Variants in CAPRIN2 observed in about 807,000 individuals in gnomAD.
CAPRIN2 encodes caprin family member 2.
Under a neutral mutation model 130.4 loss-of-function variants are expected in CAPRIN2, and 66 were observed. That is an observed-to-expected ratio of 0.51 (90% CI 0.42 to 0.62). The LOEUF is 0.62. Ranked by LOEUF, CAPRIN2 falls within the 20% of genes least tolerant of loss-of-function variation. CAPRIN2 has a pLI of 0.00. For missense variants in CAPRIN2, 1,185 were observed against 1,246.6 expected (o/e 0.95, Z 0.74); for synonymous variants, 471 against 444.1 (o/e 1.06, Z -0.76).
intron 2 of CAPRIN2, among the ~76,000 whole-genome samples, chr12:30,743,807 T>C (rs1020301483): frequency 3.3e-5 from 5 of 152,216 alleles, no homozygotes; most frequent in African/African-American, 7.2e-5. Flanking sequence ...GATTCTGTCC[T>C]AGGCTTCTCT....
chr12:30,732,339 C>T (rs532922240), intron 5 of CAPRIN2, among the ~76,000 whole-genome samples: 62 of 152,014 alleles, frequency 4.1e-4, no homozygotes, highest in African/African-American at 1.4e-3. Flanking sequence ...AGTACTATGA[C>T]ATAGATTTTG....
intron 15 of CAPRIN2, among the ~76,000 whole-genome samples, chr12:30,712,899 T>C (rs1565538503): frequency 6.6e-6 from 1 of 152,008 alleles, no homozygotes; most frequent in Non-Finnish European, 1.5e-5. Flanking sequence ...TGCCACCACG[T>C]CCGGCTAATT....
intron 14 of CAPRIN2, 68 bp downstream of exon 16, chr12:30,714,891 A>C: frequency 7.6e-7 from 1 of 1,310,436 alleles, no homozygotes; most frequent in Non-Finnish European, 1.1e-6. Context: ...GTTAGGTAAA[A>C]ATGGTGTGAG....
intron 3 of CAPRIN2, among the ~76,000 whole-genome samples, chr12:30,736,397 C>T (rs78003707): frequency 7.5e-6 from 1 of 133,316 alleles, no homozygotes; most frequent in Non-Finnish European, 1.7e-5. Context: ...GATTAAAATA[C>T]AAAAAAAAAA....
intron 6 of CAPRIN2, among the ~76,000 whole-genome samples, chr12:30,731,011 TCTAA>T: frequency 1.3e-5 from 2 of 152,324 alleles, no homozygotes; most frequent in Admixed American, 1.3e-4. Context: ...TGGTTTCTAC[TCTAA>T]CTTCCACTGT....
Position 30,713,245 on chromosome 12 carries a change from G to A in CAPRIN2, c.2601+540C>T, listed in dbSNP as rs569530557. Among the ~76,000 whole-genome samples the A allele has an allele frequency of 5.9e-5, 9 of 152,224 alleles. No individual in the cohort carries two copies. The South Asian group carries it at 1.9e-3, about 32-fold the overall frequency. On this transcript the variant is annotated intron_variant, in intron 15 of 16. Transcript: ENST00000298892. ...GTAAGTTCCCAAGTTTTGTTAAAGT[G>A]GAATTTCTAACATCCTCTTATGAGT...
intron 2 of CAPRIN2, among the ~76,000 whole-genome samples, chr12:30,744,989 T>C (rs914213678): frequency 3.3e-5 from 5 of 152,200 alleles, no homozygotes; most frequent in African/African-American, 7.2e-5. Flanking sequence ...GACTGGTGAA[T>C]TGAAGGTAAG....
intron 12 of CAPRIN2, chr12:30,720,541 A>C (rs1339820759): frequency 4.0e-6 from 1 of 250,420 alleles, no homozygotes; most frequent in African/African-American, 2.2e-5. Context: ...GGAAAACTTG[A>C]CTTAATGCTA....
exon 13 of CAPRIN2, chr12:30,716,524 G>C (rs1352664342): frequency 1.2e-6 from 2 of 1,613,796 alleles, no homozygotes; most frequent in African/African-American, 2.7e-5. Flanking sequence ...CTTGAGAATG[G>C]ACAGTTTGTT....
chr12:30,717,074 T>A (rs2057835227), intron 12 of CAPRIN2, among the ~76,000 whole-genome samples: 1 of 152,148 alleles, frequency 6.6e-6, no homozygotes, highest in Admixed American at 6.6e-5. Flanking sequence ...ATCCACTAAT[T>A]CCATTTCTAG....
chr12:30,722,747 A>G (rs117661392), intron 11 of CAPRIN2, among the ~76,000 whole-genome samples: 2,331 of 152,194 alleles, frequency 0.015, 27 homozygotes, highest in Middle Eastern at 0.044. Context: ...AAAAATACAC[A>G]AAAATTAGGC....
At position 30,735,195 on chromosome 12, in the gene CAPRIN2, C is replaced by A. The variant is rs145888176; in HGVS notation, c.582G>T (p.Ala194=). 3.1e-6 allele frequency: 5 copies of A among 1,613,678 alleles called. No homozygotes were observed. The African/African-American group carries it at 4.0e-5, about 13-fold the overall frequency. ...GCTCCCTTCTCTGGGCCTTCTTTTGCGCTTTTAGTAGCTGTTAAAACAAAT... is the reference window on the plus strand; with the variant it reads ...GCTCCCTTCTCTGGGCCTTCTTTTGAGCTTTTAGTAGCTGTTAAAACAAAT... The change falls in exon 4 of 17, where the codon GCG becomes GCT. Residue 194 remains alanine (A), a synonymous_variant. Coordinates refer to ENST00000298892, the Ensembl canonical transcript of CAPRIN2.
intron 1 of CAPRIN2, 76 bp from the exon 3 acceptor site, chr12:30,751,209 T>C (rs985042940): frequency 1.0e-5 from 12 of 1,182,848 alleles, no homozygotes; most frequent in Non-Finnish European, 1.5e-5. Flanking sequence ...CCAGATCTTG[T>C]CTCTAGGAAA....
chr12:30,722,444 C>G (rs943030041), intron 11 of CAPRIN2, among the ~76,000 whole-genome samples: 1 of 151,246 alleles, frequency 6.6e-6, no homozygotes, highest in Admixed American at 6.6e-5. Context: ...CAGAGAACTA[C>G]TAAGCTAGAC....
At chr12:30,747,130 CA>C (rs2070933098) in intron 2 of CAPRIN2, among the ~76,000 whole-genome samples, 1 of 152,144 alleles carries the variant, frequency 6.6e-6, no homozygotes, top group Non-Finnish European at 1.5e-5. Context: ...GTTTTATAAA[CA>C]AAATAACAAA....
At chr12:30,746,924 G>A (rs761521806) in intron 2 of CAPRIN2, among the ~76,000 whole-genome samples, 5 of 152,226 alleles carry the variant, frequency 3.3e-5, no homozygotes, top group African/African-American at 4.8e-5. Context: ...GTAGATGCAA[G>A]AGTCTCCTAT....
At chr12:30,720,909 A>T (rs368786279) in exon 12 of CAPRIN2, 27 of 1,609,234 alleles carry the variant, frequency 1.7e-5, no homozygotes, top group African/African-American at 4.0e-5. Flanking sequence ...ACTGGAGAAG[A>T]AGTAGCCTAG....
chr12:30,721,390 C>T (rs963624277), intron 11 of CAPRIN2, among the ~76,000 whole-genome samples: 28 of 152,234 alleles, frequency 1.8e-4, no homozygotes, highest in African/African-American at 6.5e-4. Context: ...CTATCAGCAT[C>T]CTAAAGAGGC....
At position 30,741,057 on chromosome 12, in the gene CAPRIN2, T is replaced by C. The variant is rs755108469; in HGVS notation, c.533A>G (p.Lys178Arg). 4 of 1,612,004 alleles carry C rather than the reference T, an allele frequency of 2.5e-6. No homozygotes were observed. Among genetic ancestry groups the C allele is most frequent in the East Asian group, 4.5e-5 (2 of 44,700 alleles). Residue 178 changes from lysine to arginine, a missense_variant, in exon 3 of 17, where the codon AAG becomes AGG. Around this residue, in one of 2 missense-constraint regions of CAPRIN2, gnomAD observed 1,104 missense variants for 1,104.3 expected, o/e 1.00. Coordinates refer to ENST00000298892, the Ensembl canonical transcript of CAPRIN2. ...CCCAGAAAAGGTTTTTTGAAGCTCC[T>C]TGGCAAATTCCAAATTATGTAGCAC...
Sources: allele counts gnomAD v4.1 joint callset (sites outside exome capture counted in the v4.1 genomes callset), GRCh38; gene constraint gnomAD v4.1.1; regional missense constraint gnomAD v4.1.1; transcripts MANE v1.5; gene names NCBI Gene and HGNC (gene_info 2026-07-23, HGNC 2026-07-21).